SPATS2: variants seen among roughly 807,000 people sequenced by gnomAD.
SPATS2 encodes spermatogenesis-associated serine-rich protein 2.
In SPATS2, 38 loss-of-function variants were observed where a neutral mutation model predicts 63.7. The ratio of observed to expected loss-of-function variants is 0.60; its 90% CI spans 0.46 to 0.78. SPATS2 has a LOEUF of 0.78. Among genes scored for constraint, SPATS2 ranks in the 30% least tolerant of loss-of-function variants. The probability of loss-of-function intolerance (pLI) is 0.00; values close to 1 mark genes in which losing one functional copy is unlikely to be tolerated. For missense variants in SPATS2, 588 were observed against 666.2 expected, an observed-to-expected ratio of 0.88 and a Z score of 1.29; for synonymous variants, 207 against 232.9, an observed-to-expected ratio of 0.89 and a Z score of 1.01.
At chr12:49,517,898 G>T (rs932219984) in intron 10 of SPATS2, among the ~76,000 whole-genome samples, 2 of 152,106 alleles carry the variant, frequency 1.3e-5, no homozygotes, top group African/African-American at 4.8e-5. Context: ...CCTGAATGTA[G>T]TTGGAAAGAC....
At chr12:49,498,170 G>A (rs938206415) in intron 8 of SPATS2, among the ~76,000 whole-genome samples, 47 of 102,908 alleles carry the variant, frequency 4.6e-4, no homozygotes, top group South Asian at 2.8e-4. Context: ...ATATATATAT[G>A]CGCACAAGGC....
At chr12:49,373,117 C>T (rs1565689479) in intron 2 of SPATS2, among the ~76,000 whole-genome samples, 1 of 152,042 alleles carries the variant, frequency 6.6e-6, no homozygotes, top group East Asian at 1.9e-4. Flanking sequence ...GGATTACAGG[C>T]AAGTGCCACC....
chr12:49,405,181 A>G (rs1944673323), intron 2 of SPATS2, among the ~76,000 whole-genome samples: 1 of 152,120 alleles, frequency 6.6e-6, no homozygotes, highest in Admixed American at 6.5e-5. Flanking sequence ...ATTAGCTACC[A>G]TTCATTTTCT....
intron 2 of SPATS2, chr12:49,441,877 T>C (rs1945424455): frequency 6.6e-6 from 1 of 152,158 alleles, no homozygotes; most frequent in Non-Finnish European, 1.5e-5. Context: ...TTTTTCACCT[T>C]TCACAGCACA....
chr12:49,436,826 C>A (rs1162487186), intron 2 of SPATS2, among the ~76,000 whole-genome samples: 11 of 139,490 alleles, frequency 7.9e-5, no homozygotes, highest in African/African-American at 3.0e-4. Context: ...AGGCGCCCCT[C>A]ACCTCCTGGA....
intron 2 of SPATS2, among the ~76,000 whole-genome samples, chr12:49,390,850 A>G (rs562416460): frequency 1.3e-5 from 2 of 152,350 alleles, no homozygotes; most frequent in South Asian, 4.1e-4. Flanking sequence ...AAATCTTATA[A>G]TAGACATTTT....
upstream of SPATS2, chr12:49,366,965 T>C (rs1162867108): frequency 6.6e-6 from 1 of 151,420 alleles, no homozygotes; most frequent in Non-Finnish European, 1.5e-5. Context: ...TCCCACCCGT[T>C]TTCCCCTTCC....
At chr12:49,476,129 A>G (rs1204226584) in intron 3 of SPATS2, among the ~76,000 whole-genome samples, 2 of 152,086 alleles carry the variant, frequency 1.3e-5, no homozygotes, top group African/African-American at 2.4e-5. Flanking sequence ...TCCTGTGCCT[A>G]TAAAAACCCA....
At chr12:49,455,940 G>C (rs1404186959) in intron 2 of SPATS2, among the ~76,000 whole-genome samples, 1 of 152,154 alleles carries the variant, frequency 6.6e-6, no homozygotes, top group East Asian at 1.9e-4. Context: ...CTTGTTTCTG[G>C]ATTTCCCTTT....
At chr12:49,461,133 G>T (rs1678365472) in intron 3 of SPATS2, 96 bp downstream of exon 3, 3 of 1,342,024 alleles carry the variant, frequency 2.2e-6, no homozygotes, top group Non-Finnish European at 3.1e-6. Flanking sequence ...AATGTGTTTT[G>T]AATGGTTTTA....
intron 13 of SPATS2, among the ~76,000 whole-genome samples, chr12:49,525,706 TAAAGA>T (rs1316807869): frequency 6.6e-6 from 1 of 152,168 alleles, no homozygotes; most frequent in Non-Finnish European, 1.5e-5. Flanking sequence ...TGCATCCAGC[TAAAGA>T]AAAGTAAATT....
intron 2 of SPATS2, among the ~76,000 whole-genome samples, chr12:49,440,840 G>C (rs1229641099): frequency 6.6e-6 from 1 of 152,142 alleles, no homozygotes; most frequent in African/African-American, 2.4e-5. Context: ...CTTATGATTA[G>C]ATTCAGATTA....
chr12:49,415,093 C>A (rs942239872), intron 2 of SPATS2, among the ~76,000 whole-genome samples: 2 of 151,864 alleles, frequency 1.3e-5, no homozygotes, highest in Non-Finnish European at 2.9e-5. Context: ...CCACGCCCAG[C>A]TAATTTTTGT....
At chr12:49,375,145 T>A (rs1169799956) in intron 2 of SPATS2, among the ~76,000 whole-genome samples, 38 of 4,100 alleles carry the variant, frequency 9.3e-3, no homozygotes, top group African/African-American at 0.022. Flanking sequence ...TTGTGGAGTG[T>A]GTGTGTGTGT....
chr12:49,489,630 CAG>C (rs1445507917), intron 5 of SPATS2, 57 bp downstream of exon 5: 34 of 1,472,198 alleles, frequency 2.3e-5, no homozygotes, highest in Non-Finnish European at 3.2e-5. Context: ...GAATTTGCTT[CAG>C]ACTTTTATAA....
intron 2 of SPATS2, among the ~76,000 whole-genome samples, chr12:49,407,264 A>G (rs1173980931): frequency 6.6e-6 from 1 of 152,098 alleles, no homozygotes; most frequent in Non-Finnish European, 1.5e-5. Flanking sequence ...GTCTTTGTGT[A>G]GTCTTTTCTC....
At chr12:49,509,524 C>T (rs150840636) in intron 9 of SPATS2, among the ~76,000 whole-genome samples, 1 of 152,132 alleles carries the variant, frequency 6.6e-6, no homozygotes, top group East Asian at 1.9e-4. Flanking sequence ...CCGGCCTCGG[C>T]CTCCCAGAGT....
At chr12:49,507,398 C>T (rs949214138) in intron 9 of SPATS2, among the ~76,000 whole-genome samples, 3 of 152,170 alleles carry the variant, frequency 2.0e-5, no homozygotes, top group East Asian at 1.9e-4. Flanking sequence ...AGGGACCACA[C>T]ACAGTCTAGC....
At chr12:49,403,975 T>C (rs1403596745) in intron 2 of SPATS2, among the ~76,000 whole-genome samples, 1 of 152,048 alleles carries the variant, frequency 6.6e-6, no homozygotes, top group African/African-American at 2.4e-5. Flanking sequence ...GAAACAGCTG[T>C]TGCTGGATGT....
Sources: gnomAD v4.1 joint callset for allele counts (sites outside exome capture counted in the v4.1 genomes callset) on GRCh38, gnomAD v4.1.1 for gene constraint, MANE v1.5 for transcripts, NCBI Gene and HGNC (gene_info 2026-07-23, HGNC 2026-07-21) for gene names.